Variants in SLC30A6 observed in about 807,000 individuals in gnomAD.
The protein encoded by SLC30A6 is solute carrier family 30 member 6.
A neutral mutation model predicts 63.0 loss-of-function variants in SLC30A6; 55 were observed. The observed-to-expected ratio is 0.87, with a 90% CI of 0.70 to 1.09. The LOEUF is 1.09. Ranked by LOEUF, SLC30A6 falls within the 50% of genes least tolerant of loss-of-function variation. The pLI is 0.00. For missense variants in SLC30A6, 587 were observed against 549.2 expected, an observed-to-expected ratio of 1.07 and a Z score of -0.69; for synonymous variants, 224 against 186.1, an observed-to-expected ratio of 1.20 and a Z score of -1.66.
At chr2:32,204,890 T>G (rs2148883746) in intron 11 of SLC30A6, among the ~76,000 whole-genome samples, 198 bp downstream of exon 11, 1 of 149,208 alleles carries the variant, frequency 6.7e-6, no homozygotes, top group East Asian at 2.0e-4. Flanking sequence ...CTCGGCTCAC[T>G]GCCGCCTTGA....
intron 3 of SLC30A6, among the ~76,000 whole-genome samples, chr2:32,174,399 C>T (rs1681522363): frequency 6.6e-6 from 1 of 151,882 alleles, no homozygotes; most frequent in Admixed American, 6.6e-5. Flanking sequence ...CGCCATGTTG[C>T]CCAGGCTGGT....
Position 32,220,197 on chromosome 2 carries a change from A to G in SLC30A6, c.886-16A>G. 2.5e-6 allele frequency: 4 copies of G among 1,597,312 alleles called. No homozygotes were observed. The highest frequency in any genetic ancestry group is 3.4e-6 in the Non-Finnish European group (4 of 1,168,668). ...AATTCTAAGCAATCTCTTTGTTATG[A>G]TTTTGCCCCTTTTAGGCTGGATCAG... is the stretch of plus-strand genomic sequence containing the variant. On this transcript the variant is annotated splice_polypyrimidine_tract_variant and intron_variant, in intron 13 of 13. Transcript: ENST00000282587.
At chr2:32,208,356 C>G (rs1684963867) in intron 12 of SLC30A6, among the ~76,000 whole-genome samples, 1 of 152,010 alleles carries the variant, frequency 6.6e-6, no homozygotes, top group Admixed American at 6.5e-5. Flanking sequence ...GTCTCGAACT[C>G]CTGACCTCAA....
At chr2:32,181,082 G>A (rs1442652740) in intron 4 of SLC30A6, among the ~76,000 whole-genome samples, 2 of 152,162 alleles carry the variant, frequency 1.3e-5, no homozygotes, top group Non-Finnish European at 1.5e-5. Context: ...ACAAAGAGGT[G>A]TAGAAATATA....
intron 3 of SLC30A6, among the ~76,000 whole-genome samples, chr2:32,174,385 G>T (rs1222906385): frequency 2.0e-5 from 3 of 151,750 alleles, no homozygotes; most frequent in Admixed American, 6.6e-5. Flanking sequence ...CAGAAATGGG[G>T]TTTCGCCATG....
chr2:32,194,934 A>T lies in SLC30A6; in HGVS notation c.496+951A>T, dbSNP rs10194703. The stretch of plus-strand genomic sequence containing the variant: ...AGATTTAGAAACACTGTTTCCCTGT[A>T]AAGATCAGGGAGATACAAGAAGGAA... On this transcript the variant is annotated intron_variant, in intron 8 of 13. Coordinates refer to ENST00000282587, the MANE Select transcript of SLC30A6 (RefSeq NM_017964.5). Among the ~76,000 whole-genome samples, 1,095 of 152,290 alleles carry T rather than the reference A, an allele frequency of 7.2e-3. 9 individuals carry two copies. Among genetic ancestry groups the T allele is most frequent in the African/African-American group, 0.025 (1,035 of 41,562 alleles).
rs767378191 is a variant in SLC30A6 at position 32,222,938 on chromosome 2, G to A, written c.*2225G>A. On this transcript the variant is annotated 3_prime_UTR_variant, in exon 14 of 14. Coordinates refer to ENST00000282587, the MANE Select transcript of SLC30A6 (RefSeq NM_017964.5). The stretch of plus-strand genomic sequence containing the variant: ...AGGTACCAAACACAGTTCTGTGTGA[G>A]GTTTTATGCCTACTTCCTCAACACC... 10 of 152,138 alleles carry A rather than the reference G, an allele frequency of 6.6e-5. No homozygotes were observed. The highest frequency in any genetic ancestry group is 7.3e-5 in the Non-Finnish European group (5 of 68,070). 9.4% of individuals were successfully genotyped at this position (152,138 alleles called of 1,614,324 possible).
rs1351690512 is a variant in SLC30A6 at position 32,223,477 on chromosome 2, A to C, written c.*2764A>C. 6.6e-6 allele frequency: 1 copy of C among 152,256 alleles called. No homozygotes were observed. Among genetic ancestry groups the C allele is most frequent in the East Asian group, 1.9e-4 (1 of 5,198 alleles). The allele number at this position is 152,256 out of a possible 1,614,324, so 9.4% of individuals were successfully genotyped here. The stretch of plus-strand genomic sequence containing the variant: ...TCTGAGCTTTCTCATCTGTAAAGTT[A>C]GGGAGAGGAATTAATTAGTTGATCT... On this transcript the variant is annotated 3_prime_UTR_variant, in exon 14 of 14. Transcript: ENST00000282587.
At chr2:32,220,151 T>C in intron 13 of SLC30A6, 62 bp from the exon 14 acceptor site, 1 of 1,510,248 alleles carries the variant, frequency 6.6e-7, no homozygotes, top group Non-Finnish European at 8.9e-7. Context: ...ATGTTTTATC[T>C]AATGAATTTT....
At chr2:32,211,989 A>G (rs2148899621) in intron 13 of SLC30A6, among the ~76,000 whole-genome samples, 1 of 152,116 alleles carries the variant, frequency 6.6e-6, no homozygotes, top group African/African-American at 2.4e-5. Flanking sequence ...ATTTTGTAAT[A>G]TTTGTTCTAT....
At chr2:32,174,577 C>G (rs1332798471) in intron 3 of SLC30A6, among the ~76,000 whole-genome samples, 3 of 86,482 alleles carry the variant, frequency 3.5e-5, no homozygotes, top group Non-Finnish European at 6.1e-5. Flanking sequence ...TTTTTTGAGA[C>G]GGAGTCTCAC....
At position 32,206,719 on chromosome 2, in the gene SLC30A6, T is replaced by A. The variant is rs1024618640; in HGVS notation, c.769-167T>A. Among the ~76,000 whole-genome samples the A allele has an allele frequency of 5.9e-5, 9 of 152,304 alleles. No individual in the cohort carries two copies. The East Asian group carries it at 1.5e-3, about 26-fold the overall frequency. ...AACAGGTGTGGGCCAGTTGATGATG[T>A]TGTTCCACTAGTGGGGCCAGTTGAA... On this transcript the variant is annotated intron_variant, in intron 11 of 13. Transcript: ENST00000282587.
At position 32,165,890 on chromosome 2, in the gene SLC30A6, A is replaced by C. The variant is rs781170014; in HGVS notation, c.-11A>C. ...GAACGGCTTCCGGCGGGAGCTGTGC[A>C]GCTCCTTATCATGGTGAGTTGGCTG... On this transcript the variant is annotated 5_prime_UTR_variant, in exon 1 of 14. Coordinates refer to ENST00000282587, the MANE Select transcript of SLC30A6 (RefSeq NM_017964.5). The C allele has an allele frequency of 5.0e-6, 8 of 1,614,124 alleles. No individual in the cohort carries two copies. The highest frequency in any genetic ancestry group is 6.8e-6 in the Non-Finnish European group (8 of 1,179,992).
rs2148866451 is a variant in SLC30A6, at chr2:32,197,771, A to C, written c.610A>C (p.Ile204Leu). 1 of 1,614,038 alleles carries C rather than the reference A, an allele frequency of 6.2e-7. No homozygotes were observed. The highest frequency in any genetic ancestry group is 1.3e-5 in the African/African-American group (1 of 75,026). ...TCCCCGAATGAATCCATTTGTTTTG[A>C]TTGATCTTGCTGGAGCATTTGCTCT... Reference protein sequence around the residue: ...FLPRMNPFVLIDLAGAFALCI... With the variant: ...FLPRMNPFVLLDLAGAFALCI... Residue 204 changes from isoleucine to leucine, a missense_variant, in exon 10 of 14, where the codon ATT (isoleucine) becomes CTT (leucine). By Grantham distance (5) the Ile-to-Leu change is conservative. Transcript: ENST00000282587.
At chr2:32,206,832 T>G in intron 11 of SLC30A6, 54 bp from the exon 12 acceptor site, 17 of 1,443,804 alleles carry the variant, frequency 1.2e-5, no homozygotes, top group Non-Finnish European at 1.7e-5. Context: ...GGACCATTGT[T>G]GGCAAACTTT....
chr2:32,209,855 G>A (rs1295872643), intron 13 of SLC30A6, among the ~76,000 whole-genome samples: 2 of 152,020 alleles, frequency 1.3e-5, no homozygotes, highest in African/African-American at 2.4e-5. Flanking sequence ...CATCAAACAT[G>A]TTAATGATAA....
Position 32,201,877 on chromosome 2 carries a change from C to G in SLC30A6, c.666-2713C>G, listed in dbSNP as rs549453662. 12 of 1,449,272 alleles carry G rather than the reference C, an allele frequency of 8.3e-6. 1 individual carries two copies. Among genetic ancestry groups the G allele is most frequent in the African/African-American group, 5.7e-5 (4 of 70,374 alleles). 89.8% of individuals were successfully genotyped at this position (1,449,272 alleles called of 1,614,324 possible). ...AAGAGAAAATGGTGTTACAGATTAC[C>G]TGGATGCTCCCAAGACCAAAAAAAT... On this transcript the variant is annotated intron_variant, in intron 10 of 13. Transcript: ENST00000282587.
At chr2:32,195,315 C>T (rs1402992768) in intron 8 of SLC30A6, among the ~76,000 whole-genome samples, 6 of 152,128 alleles carry the variant, frequency 3.9e-5, no homozygotes, top group Admixed American at 3.9e-4. Flanking sequence ...ATCTGTCCAC[C>T]TTGGCCTCCC....
intron 10 of SLC30A6, chr2:32,201,558 G>A: frequency 8.6e-7 from 1 of 1,166,086 alleles, no homozygotes; most frequent in Non-Finnish European, 1.2e-6. Context: ...CATGTAGGTG[G>A]TTGTGGCCAC....
Sources: gnomAD v4.1 joint callset for allele counts (sites outside exome capture counted in the v4.1 genomes callset) on GRCh38, gnomAD v4.1.1 for gene constraint, MANE v1.5 for transcripts, NCBI Gene and HGNC (gene_info 2026-07-23, HGNC 2026-07-21) for gene names.